Variants in EGFR observed in about 807,000 individuals in gnomAD.
EGFR encodes avian erythroblastic leukemia viral (v-erb-b) oncogene homolog.
In EGFR, 58 loss-of-function variants were observed where a neutral mutation model predicts 143.0. The observed-to-expected ratio is 0.41, with a 90% confidence interval of 0.33 to 0.50. EGFR has a LOEUF of 0.50. Among genes scored for constraint, EGFR ranks in the 20% least tolerant of loss-of-function variants. The pLI is 0.39. For missense variants in EGFR, 1,307 were observed against 1,579.0 expected, an observed-to-expected ratio of 0.83 and a Z score of 2.92; for synonymous variants, 613 against 594.4, an observed-to-expected ratio of 1.03 and a Z score of -0.45.
chr7:55,063,210 A>G (rs997903729), intron 1 of EGFR, among the ~76,000 whole-genome samples: 2 of 152,214 alleles, frequency 1.3e-5, no homozygotes, highest in African/African-American at 4.8e-5. Context: ...GACCGACCTC[A>G]TTAAACTGGC....
At chr7:55,043,790 G>A (rs934436671) in intron 1 of EGFR, 5 of 152,214 alleles carry the variant, frequency 3.3e-5, no homozygotes, top group Non-Finnish European at 1.5e-5. Context: ...CTTTAAAATT[G>A]CATAAGAATG....
At chr7:55,146,497 G>A (rs780439939) in intron 3 of EGFR, 109 bp from the exon 4 acceptor site, 776 of 1,546,532 alleles carry the variant, frequency 5.0e-4, no homozygotes, top group Non-Finnish European at 6.1e-4. Flanking sequence ...ACTCTTGTTC[G>A]CACCATGGCA....
intron 21 of EGFR, 84 bp from the exon 22 acceptor site, chr7:55,192,682 G>T: frequency 7.9e-7 from 1 of 1,271,842 alleles, no homozygotes; most frequent in Non-Finnish European, 1.1e-6. Flanking sequence ...TGTGTCACTC[G>T]TAATTAGGTC....
chr7:55,201,155 G>A (rs1461841754), intron 24 of EGFR, 33 bp from the exon 25 acceptor site: 1 of 1,614,070 alleles, frequency 6.2e-7, no homozygotes, highest in African/African-American at 1.3e-5. Context: ...ATCTCTACGG[G>A]CCATTCTAAT....
chr7:55,205,744 C>G lies in EGFR; in HGVS notation c.*127C>G. Reference sequence around the variant, plus strand: ...TTAGACCCACAGACTGGTTTTGCAACGTTTACACCGACTAGCCAGGAAGTA... The same window carrying G: ...TTAGACCCACAGACTGGTTTTGCAAGGTTTACACCGACTAGCCAGGAAGTA... On this transcript the variant is annotated 3_prime_UTR_variant, in exon 28 of 28. Transcript: ENST00000275493. The G allele has an allele frequency of 1.4e-6, 2 of 1,454,104 alleles. No individual in the cohort carries two copies. Among genetic ancestry groups the G allele is most frequent in the Non-Finnish European group, 1.9e-6 (2 of 1,048,744 alleles). 90.1% of individuals were successfully genotyped at this position (1,454,104 alleles called of 1,614,324 possible).
chr7:55,180,929 A>G (rs1786833019), intron 19 of EGFR: 2 of 369,078 alleles, frequency 5.4e-6, no homozygotes, highest in Admixed American at 4.2e-5. Flanking sequence ...AAAACACAGC[A>G]TCCTCAACCT....
chr7:55,133,042 G>GGAAAT (rs1793945015), intron 1 of EGFR, among the ~76,000 whole-genome samples: 2 of 152,160 alleles, frequency 1.3e-5, no homozygotes, highest in African/African-American at 4.8e-5. Context: ...GCTTCATATG[G>GGAAAT]GAAATATTAC....
At chr7:55,035,721 A>G (rs1424056411) in intron 1 of EGFR, among the ~76,000 whole-genome samples, 6 of 151,818 alleles carry the variant, frequency 4.0e-5, no homozygotes. Flanking sequence ...AAATCATACT[A>G]AAAACAAAAC....
At chr7:55,079,855 G>A (rs1790364472) in intron 1 of EGFR, among the ~76,000 whole-genome samples, 1 of 152,192 alleles carries the variant, frequency 6.6e-6, no homozygotes, top group Admixed American at 6.5e-5. Flanking sequence ...CTTGCCAGGA[G>A]GGGCATTTGT....
Position 55,052,422 on chromosome 7 carries a change from G to T in EGFR, c.88+33057G>T, listed in dbSNP as rs371105202. Among the ~76,000 whole-genome samples, 23 of 152,296 alleles carry T rather than the reference G, an allele frequency of 1.5e-4. No individual in the cohort carries two copies. The East Asian group carries it at 3.7e-3, about 24-fold the overall frequency. ...CCCTGCCTGAGTCGCCCACTTTAGAGCCCTTCTGTTCTTCAGAAACCAGAC... is the reference window on the plus strand; with the variant it reads ...CCCTGCCTGAGTCGCCCACTTTAGATCCCTTCTGTTCTTCAGAAACCAGAC... On this transcript the variant is annotated intron_variant, in intron 1 of 27. Coordinates refer to ENST00000275493, the MANE Select transcript of EGFR (RefSeq NM_005228.5).
In EGFR at chr7:55,172,463, G is replaced by A. The variant is rs145044265; in HGVS notation, c.1920-520G>A. On this transcript the variant is annotated intron_variant, in intron 16 of 27. Coordinates refer to ENST00000275493, the MANE Select transcript of EGFR (RefSeq NM_005228.5). ...TTCCTTTATAACCCCTTTCAAGCTC[G>A]TTCAGAGAGTATTTCACACAATCCA... 2.6e-5 allele frequency among the ~76,000 whole-genome samples: 4 copies of A among 151,752 alleles called. No homozygotes were observed. In the East Asian group the frequency reaches 5.8e-4, roughly 22 times the overall value.
intron 10 of EGFR, 189 bp downstream of exon 10, chr7:55,157,021 G>T (rs1785457880): frequency 1.4e-6 from 2 of 1,403,818 alleles, no homozygotes; most frequent in East Asian, 5.0e-5. Context: ...GTTAAGTCCA[G>T]GCTTGGGTCA....
At chr7:55,160,796 G>GCA (rs1325660094) in intron 12 of EGFR, among the ~76,000 whole-genome samples, 1 of 152,256 alleles carries the variant, frequency 6.6e-6, no homozygotes, top group Non-Finnish European at 1.5e-5. Context: ...GGCAGCGTCA[G>GCA]CTTTGAGTCA....
chr7:55,185,021 A>C (rs1361112712), intron 20 of EGFR, among the ~76,000 whole-genome samples: 1 of 152,216 alleles, frequency 6.6e-6, no homozygotes, highest in African/African-American at 2.4e-5. Flanking sequence ...TTGACTCACA[A>C]AGGCACAAAC....
chr7:55,060,701 C>T (rs931203035), intron 1 of EGFR, among the ~76,000 whole-genome samples: 7 of 152,122 alleles, frequency 4.6e-5, no homozygotes, highest in Non-Finnish European at 1.0e-4. Context: ...TTTGGATAGA[C>T]CCAGCATGTA....
At position 55,161,522 on chromosome 7, in the gene EGFR, G is replaced by T; in HGVS notation, c.1522G>T (p.Ala508Ser). ...AGAGGCCACAGGCCAGGTCTGCCAT[G>T]CCTTGTGCTCCCCCGAGGGCTGCTG... is the stretch of plus-strand genomic sequence containing the variant. ...SCKATGQVCHALCSPEGCWGP... is the reference protein window; with the variant it reads ...SCKATGQVCHSLCSPEGCWGP... Residue 508 changes from alanine to serine, a missense_variant, in exon 13 of 28, where the codon GCC becomes TCC. Transcript: ENST00000275493. 6.2e-7 allele frequency: 1 copy of T among 1,614,216 alleles called. No individual in the cohort carries two copies. Among genetic ancestry groups the T allele is most frequent in the African/African-American group, 1.3e-5 (1 of 75,084 alleles).
At chr7:55,088,809 A>T (rs1305595716) in intron 1 of EGFR, among the ~76,000 whole-genome samples, 3 of 152,240 alleles carry the variant, frequency 2.0e-5, no homozygotes, top group Non-Finnish European at 4.4e-5. Flanking sequence ...CGATGAAAAC[A>T]TCAAGTTCTG....
At chr7:55,115,174 G>A (rs569624356) in intron 1 of EGFR, among the ~76,000 whole-genome samples, 1 of 152,210 alleles carries the variant, frequency 6.6e-6, no homozygotes, top group South Asian at 2.1e-4. Flanking sequence ...AAATTCACAT[G>A]AGAATTTAGT....
intron 22 of EGFR, among the ~76,000 whole-genome samples, chr7:55,196,651 G>T (rs1358898658): frequency 6.6e-6 from 1 of 151,992 alleles, no homozygotes. Flanking sequence ...TTATAGTTTG[G>T]GGTTTTACAT....
Sources: allele counts gnomAD v4.1 joint callset (sites outside exome capture counted in the v4.1 genomes callset), GRCh38; gene constraint gnomAD v4.1.1; transcripts MANE v1.5; gene names NCBI Gene and HGNC (gene_info 2026-07-23, HGNC 2026-07-21).